Variants in KATNAL1 observed in about 807,000 individuals in gnomAD.
KATNAL1 encodes katanin p60 ATPase-containing subunit A-like 1.
A neutral mutation model predicts 55.2 loss-of-function variants in KATNAL1; 32 were observed. That is an observed-to-expected ratio of 0.58 (90% CI 0.44 to 0.78). The LOEUF (loss-of-function observed/expected upper bound fraction) is 0.78, where lower values mean the gene tolerates loss of function less well. Ranked by LOEUF, KATNAL1 falls within the 30% of genes least tolerant of loss-of-function variation. The pLI, the probability that KATNAL1 is intolerant of heterozygous loss-of-function variation, is 0.00. For synonymous variants in KATNAL1, 193 were observed against 193.6 expected, an observed-to-expected ratio of 1.00 and a Z score of 0.02; for missense variants, 466 against 600.9, an observed-to-expected ratio of 0.78 and a Z score of 2.35.
At chr13:30,258,546 T>C (rs1878974763) in intron 3 of KATNAL1, among the ~76,000 whole-genome samples, 1 of 152,214 alleles carries the variant, frequency 6.6e-6, no homozygotes, top group Non-Finnish European at 1.5e-5. Context: ...TCTTTCTTGA[T>C]AAAGAGGTCA....
intron 2 of KATNAL1, among the ~76,000 whole-genome samples, chr13:30,282,857 A>C (rs1303815876): frequency 6.7e-6 from 1 of 150,272 alleles, no homozygotes; most frequent in African/African-American, 2.4e-5. Context: ...CGGGAGGCTG[A>C]GGCAGGAGAA....
At chr13:30,225,707 C>G (rs192548398) in intron 9 of KATNAL1, among the ~76,000 whole-genome samples, 2 of 149,946 alleles carry the variant, frequency 1.3e-5, no homozygotes, top group East Asian at 4.0e-4. Flanking sequence ...AGAGGAATCA[C>G]AGATATAAAT....
At chr13:30,277,773 G>A (rs1358942997) in intron 3 of KATNAL1, among the ~76,000 whole-genome samples, 1 of 151,778 alleles carries the variant, frequency 6.6e-6, no homozygotes, top group Non-Finnish European at 1.5e-5. Context: ...CACGAGGTCA[G>A]GAGATCGAGA....
intron 3 of KATNAL1, among the ~76,000 whole-genome samples, chr13:30,279,619 A>C (rs1311696629): frequency 6.6e-6 from 1 of 152,226 alleles, no homozygotes; most frequent in Non-Finnish European, 1.5e-5. Context: ...TTAAGTAATA[A>C]GCCTCTTAAA....
chr13:30,296,964 A>G, intron 1 of KATNAL1, among the ~76,000 whole-genome samples: 1 of 151,948 alleles, frequency 6.6e-6, no homozygotes, highest in East Asian at 1.9e-4. Context: ...ACAGGCCTAG[A>G]GGTGACCAAT....
intron 9 of KATNAL1, among the ~76,000 whole-genome samples, chr13:30,217,599 A>C (rs969408134): frequency 6.6e-6 from 1 of 152,162 alleles, no homozygotes; most frequent in Non-Finnish European, 1.5e-5. Context: ...TGTTAGAGGA[A>C]TCATACACTC....
At chr13:30,294,743 A>AT (rs145121625) in intron 1 of KATNAL1, among the ~76,000 whole-genome samples, 3,064 of 152,308 alleles carry the variant, frequency 0.02, 99 homozygotes, top group African/African-American at 0.069. Flanking sequence ...GGAAAAGTGA[A>AT]TGCCTGGGTT....
intron 1 of KATNAL1, chr13:30,296,593 T>C (rs1882512429): frequency 5.5e-6 from 4 of 724,350 alleles, no homozygotes; most frequent in Non-Finnish European, 1.0e-5. Context: ...GGACGCTCAT[T>C]GGATGAGGCT....
intron 3 of KATNAL1, among the ~76,000 whole-genome samples, chr13:30,267,850 G>A (rs563179190): frequency 7.2e-5 from 11 of 152,154 alleles, no homozygotes; most frequent in Non-Finnish European, 1.5e-4. Flanking sequence ...TCAGACATCC[G>A]AGGGCTGGAG....
At chr13:30,251,545 T>C (rs943962938) in intron 4 of KATNAL1, among the ~76,000 whole-genome samples, 3 of 152,166 alleles carry the variant, frequency 2.0e-5, no homozygotes, top group East Asian at 3.9e-4. Context: ...AGGTGCCATC[T>C]AGAAGGAACA....
chr13:30,258,262 A>G (rs953815024), intron 3 of KATNAL1, among the ~76,000 whole-genome samples: 1 of 152,252 alleles, frequency 6.6e-6, no homozygotes, highest in Non-Finnish European at 1.5e-5. Flanking sequence ...TTATTCTATC[A>G]CATGCAAATA....
chr13:30,226,842 C>T (rs1344440279), intron 9 of KATNAL1, among the ~76,000 whole-genome samples: 3 of 152,068 alleles, frequency 2.0e-5, no homozygotes, highest in Non-Finnish European at 4.4e-5. Flanking sequence ...TTTATGAGGC[C>T]GAGGCGGGAA....
At chr13:30,258,960 A>C (rs1221945448) in intron 3 of KATNAL1, among the ~76,000 whole-genome samples, 2 of 152,254 alleles carry the variant, frequency 1.3e-5, no homozygotes, top group Admixed American at 6.5e-5. Flanking sequence ...AAGTATCGTA[A>C]GTAGGAATCT....
At chr13:30,210,232 T>G in intron 10 of KATNAL1, 84 bp downstream of exon 10, 2 of 1,153,828 alleles carry the variant, frequency 1.7e-6, no homozygotes, top group South Asian at 2.5e-5. Flanking sequence ...CTAACTACAC[T>G]GGGCTAACTA....
intron 6 of KATNAL1, among the ~76,000 whole-genome samples, chr13:30,235,500 A>G (rs1184649503): frequency 1.3e-5 from 2 of 152,174 alleles, no homozygotes; most frequent in African/African-American, 2.4e-5. Flanking sequence ...TCCCAACACT[A>G]CCACATCAAG....
chr13:30,228,307 A>C (rs527528113), intron 8 of KATNAL1, among the ~76,000 whole-genome samples: 15 of 152,344 alleles, frequency 9.8e-5, no homozygotes, highest in African/African-American at 3.6e-4. Context: ...GTGGACTTAA[A>C]GCAACCTAGT....
At chr13:30,270,217 G>A (rs1282852930) in intron 3 of KATNAL1, among the ~76,000 whole-genome samples, 2 of 135,750 alleles carry the variant, frequency 1.5e-5, no homozygotes, top group South Asian at 2.4e-4. Flanking sequence ...TCAGCCCCCC[G>A]CCCGGCCAGC....
intron 6 of KATNAL1, among the ~76,000 whole-genome samples, chr13:30,236,066 G>A (rs2137410307): frequency 6.6e-6 from 1 of 152,300 alleles, no homozygotes; most frequent in East Asian, 1.9e-4. Flanking sequence ...AGGCTAAGGA[G>A]GAGAAGGAAA....
chr13:30,282,442 AC>A, intron 2 of KATNAL1, among the ~76,000 whole-genome samples: 1 of 152,032 alleles, frequency 6.6e-6, no homozygotes, highest in Admixed American at 6.5e-5. Context: ...GTTTGAGACC[AC>A]CCTGGGCAAC....
Sources: allele counts gnomAD v4.1 joint callset (sites outside exome capture counted in the v4.1 genomes callset), GRCh38; gene constraint gnomAD v4.1.1; transcripts MANE v1.5; gene names NCBI Gene and HGNC (gene_info 2026-07-23, HGNC 2026-07-21).